C8orf34: variants seen among roughly 807,000 people sequenced by gnomAD.
The protein encoded by C8orf34 is uncharacterized protein C8orf34.
A neutral mutation model predicts 68.3 loss-of-function variants in C8orf34; 65 were observed. The observed-to-expected ratio is 0.95, with a 90% confidence interval of 0.78 to 1.17. The LOEUF is 1.17. Ranked by LOEUF, C8orf34 falls within the 50% of genes most tolerant of loss-of-function variation. The probability of loss-of-function intolerance (pLI) is 0.00; values close to 1 mark genes in which losing one functional copy is unlikely to be tolerated. For synonymous variants in C8orf34, 244 were observed against 241.2 expected (o/e 1.01, Z -0.11); for missense variants, 664 against 655.4 (o/e 1.01, Z -0.14).
At chr8:68,422,139 T>C (rs1183544799) in intron 1 of C8orf34, among the ~76,000 whole-genome samples, 2 of 152,224 alleles carry the variant, frequency 1.3e-5, no homozygotes, top group South Asian at 2.1e-4. Context: ...CCAAATCTCA[T>C]GTCCTCACAT....
At chr8:68,633,359 G>A (rs1273222081) in intron 7 of C8orf34, among the ~76,000 whole-genome samples, 1 of 152,140 alleles carries the variant, frequency 6.6e-6, no homozygotes, top group Non-Finnish European at 1.5e-5. Context: ...GCTTTCTTAT[G>A]TATTTCTTAT....
At chr8:68,432,724 C>T (rs2129624967) in intron 1 of C8orf34, among the ~76,000 whole-genome samples, 1 of 152,104 alleles carries the variant, frequency 6.6e-6, no homozygotes, top group African/African-American at 2.4e-5. Flanking sequence ...AGGGGACAGT[C>T]TGAGATCTCT....
chr8:68,427,804 A>C (rs1158157159), intron 1 of C8orf34, among the ~76,000 whole-genome samples: 1 of 151,970 alleles, frequency 6.6e-6, no homozygotes, highest in African/African-American at 2.4e-5. Context: ...GCTGGCTGAA[A>C]TGTATATGGA....
At chr8:68,332,634 T>A (rs1295731340) in intron 1 of C8orf34, among the ~76,000 whole-genome samples, 1 of 151,950 alleles carries the variant, frequency 6.6e-6, no homozygotes, top group Non-Finnish European at 1.5e-5. Context: ...AGGACAAAGG[T>A]GTGGTCCAAT....
intron 8 of C8orf34, among the ~76,000 whole-genome samples, chr8:68,669,189 C>T (rs1225025613): frequency 2.0e-5 from 3 of 151,978 alleles, no homozygotes; most frequent in Non-Finnish European, 4.4e-5. Context: ...GATGATAATG[C>T]CAATGTAGTT....
At position 68,465,501 on chromosome 8, in the gene C8orf34, C is replaced by G. The variant is rs7844669; in HGVS notation, c.608-3191C>G. On this transcript the variant is annotated intron_variant, in intron 3 of 13. Transcript: ENST00000518698. ...ATACTGCTATAAAGACACATGCACA[C>G]GTATGTTTATTGCAGCACTATTCAC... Among the ~76,000 whole-genome samples, 644 of 151,504 alleles carry G rather than the reference C, an allele frequency of 4.3e-3. 5 individuals carry two copies. The highest frequency in any genetic ancestry group is 0.015 in the African/African-American group (621 of 41,194).
chr8:68,615,459 G>A (rs373505148), intron 7 of C8orf34, among the ~76,000 whole-genome samples: 7 of 151,922 alleles, frequency 4.6e-5, no homozygotes, highest in African/African-American at 7.3e-5. Flanking sequence ...TTTGAGATAC[G>A]TCCCATCAAT....
At chr8:68,624,910 C>CT (rs5892154) in intron 7 of C8orf34, among the ~76,000 whole-genome samples, 87,381 of 143,598 alleles carry the variant, frequency 0.61, 26,503 homozygotes, top group Non-Finnish European at 0.64. Flanking sequence ...TAATTTCTTG[C>CT]TTTTTTTTTT....
At chr8:68,370,449 C>T (rs1365227164) in intron 1 of C8orf34, among the ~76,000 whole-genome samples, 1 of 152,174 alleles carries the variant, frequency 6.6e-6, no homozygotes, top group Admixed American at 6.5e-5. Context: ...ACTGCCCTCC[C>T]TGGTCTTCAG....
chr8:68,433,331 T>G (rs1201059172), intron 1 of C8orf34, among the ~76,000 whole-genome samples: 2 of 152,170 alleles, frequency 1.3e-5, no homozygotes, highest in East Asian at 3.8e-4. Flanking sequence ...TGAGATAATT[T>G]ATGGGTGCTG....
chr8:68,543,075 C>T (rs1815753656), intron 7 of C8orf34, among the ~76,000 whole-genome samples: 1 of 152,038 alleles, frequency 6.6e-6, no homozygotes, highest in South Asian at 2.1e-4. Context: ...CATTACTGAT[C>T]TTAAAATTGT....
In C8orf34 at chr8:68,439,665, T is replaced by C. The variant is rs1810816396; in HGVS notation, c.475+19T>C. 1.9e-6 allele frequency: 3 copies of C among 1,595,120 alleles called. No individual in the cohort carries two copies. The highest frequency in any genetic ancestry group is 3.6e-5 in the Admixed American group (2 of 54,884). Reference sequence around the variant, plus strand: ...AAATCAGGTAAATGAAGAATGTCTATGCAGTTAATTTGGGATTCATTTAAT... The same window carrying C: ...AAATCAGGTAAATGAAGAATGTCTACGCAGTTAATTTGGGATTCATTTAAT... On this transcript the variant is annotated intron_variant, in intron 2 of 13. Transcript: ENST00000518698.
In C8orf34 at chr8:68,652,974, C is replaced by A. The variant is rs560855996; in HGVS notation, c.1241+12463C>A. ...ATGGCTTTATATTGATATTTCCACT[C>A]AAATTATAACAGTGTTGTGTTCCTA... On this transcript the variant is annotated intron_variant, in intron 8 of 13. Coordinates refer to ENST00000518698, the MANE Select transcript of C8orf34 (RefSeq NM_052958.4). Among the ~76,000 whole-genome samples, 257 of 152,238 alleles carry A rather than the reference C, an allele frequency of 1.7e-3. 3 individuals carry two copies. Among genetic ancestry groups the A allele is most frequent in the Non-Finnish European group, 4.1e-4 (28 of 68,026 alleles).
intron 7 of C8orf34, chr8:68,625,423 A>G (rs948006631): frequency 7.7e-6 from 4 of 517,966 alleles, no homozygotes; most frequent in African/African-American, 5.9e-5. Context: ...GCTGCATGAG[A>G]TGTTATTAAG....
At chr8:68,671,451 G>A (rs1194959784) in intron 8 of C8orf34, among the ~76,000 whole-genome samples, 1 of 152,172 alleles carries the variant, frequency 6.6e-6, no homozygotes, top group African/African-American at 2.4e-5. Context: ...TTAGAGCTAA[G>A]TAAATAGTAA....
chr8:68,491,719 A>G (rs1813320921), intron 5 of C8orf34, among the ~76,000 whole-genome samples: 1 of 152,230 alleles, frequency 6.6e-6, no homozygotes, highest in African/African-American at 2.4e-5. Flanking sequence ...TATGAAACTA[A>G]TTACATATAG....
chr8:68,515,455 G>A (rs1018020721), intron 5 of C8orf34, among the ~76,000 whole-genome samples: 8 of 151,710 alleles, frequency 5.3e-5, no homozygotes, highest in African/African-American at 1.9e-4. Context: ...AGCAAGATTG[G>A]CCTGTGTTTC....
intron 10 of C8orf34, among the ~76,000 whole-genome samples, chr8:68,741,274 A>AT (rs928701105): frequency 1.3e-5 from 2 of 152,264 alleles, no homozygotes; most frequent in Admixed American, 1.3e-4. Context: ...ACCTTATATA[A>AT]TTTTTTTCCA....
chr8:68,630,060 A>G (rs1818645771), intron 7 of C8orf34, among the ~76,000 whole-genome samples: 1 of 152,114 alleles, frequency 6.6e-6, no homozygotes, highest in South Asian at 2.1e-4. Flanking sequence ...TTTATTTAGT[A>G]TAAAGCAATA....
Sources: gnomAD v4.1 joint callset for allele counts (sites outside exome capture counted in the v4.1 genomes callset) on GRCh38, gnomAD v4.1.1 for gene constraint, MANE v1.5 for transcripts, NCBI Gene and HGNC (gene_info 2026-07-23, HGNC 2026-07-21) for gene names.